SENP6: variants seen among roughly 807,000 people sequenced by gnomAD.
The protein encoded by SENP6 is SUMO specific peptidase 6, also known as sentrin-specific protease 6.
A neutral mutation model predicts 134.5 loss-of-function variants in SENP6; 41 were observed. The ratio of observed to expected loss-of-function variants is 0.30; its 90% confidence interval spans 0.24 to 0.40. The LOEUF (loss-of-function observed/expected upper bound fraction) is 0.40. SENP6 is among the 10% of genes least tolerant of loss of function. The probability of loss-of-function intolerance (pLI) is 1.00; values close to 1 mark genes in which losing one functional copy is unlikely to be tolerated. For synonymous variants in SENP6, 395 were observed against 429.8 expected (o/e 0.92, Z 1.00); for missense variants, 1,248 against 1,312.5 (o/e 0.95, Z 0.76).
intron 9 of SENP6, among the ~76,000 whole-genome samples, chr6:75,664,021 G>A (rs1403929544): frequency 6.6e-6 from 1 of 151,990 alleles, no homozygotes; most frequent in African/African-American, 2.4e-5. Context: ...AGAGTATACA[G>A]CGTGTATACT....
chr6:75,675,194 GA>G (rs971092885), intron 11 of SENP6, among the ~76,000 whole-genome samples: 7 of 143,938 alleles, frequency 4.9e-5, no homozygotes, highest in African/African-American at 1.0e-4. Flanking sequence ...GTTAAAAAAA[GA>G]AAAAAAAAAG....
chr6:75,639,325 A>G (rs544051495), intron 5 of SENP6, among the ~76,000 whole-genome samples: 1 of 152,306 alleles, frequency 6.6e-6, no homozygotes, highest in Non-Finnish European at 1.5e-5. Context: ...TTTAGTAGCA[A>G]AGATAAAATT....
At chr6:75,642,120 A>T (rs1561996951) in intron 6 of SENP6, among the ~76,000 whole-genome samples, 2 of 152,218 alleles carry the variant, frequency 1.3e-5, no homozygotes, top group African/African-American at 2.4e-5. Context: ...TATATTTTTG[A>T]TTACATGCTG....
At chr6:75,620,116 C>T (rs1768159437) in intron 1 of SENP6, among the ~76,000 whole-genome samples, 1 of 149,118 alleles carries the variant, frequency 6.7e-6, no homozygotes, top group Non-Finnish European at 1.5e-5. Flanking sequence ...GGAAAATAAG[C>T]TTTCCTAATG....
Position 75,714,972 on chromosome 6 carries a change from G to A in SENP6, c.3130-413G>A, listed in dbSNP as rs143087285. On this transcript the variant is annotated intron_variant, in intron 23 of 23. Coordinates refer to ENST00000447266, the MANE Select transcript of SENP6 (RefSeq NM_015571.4). ...TCTTGTTTTAATTGTTGAATTACCTGTCTTTCTAAACTGGAGCTGGCAAAC... is the reference window on the plus strand; with the variant it reads ...TCTTGTTTTAATTGTTGAATTACCTATCTTTCTAAACTGGAGCTGGCAAAC... Among the ~76,000 whole-genome samples the A allele has an allele frequency of 5.3e-4, 80 of 152,260 alleles. 1 individual carries two copies. The highest frequency in any genetic ancestry group is 3.4e-3 in the Middle Eastern group (1 of 294).
intron 16 of SENP6, among the ~76,000 whole-genome samples, chr6:75,689,511 A>C (rs1774087913): frequency 6.6e-6 from 1 of 152,228 alleles, no homozygotes; most frequent in South Asian, 2.1e-4. Context: ...AACAGTGCGT[A>C]GGCTCCTCAA....
At chr6:75,707,717 T>G (rs1775497990) in intron 19 of SENP6, among the ~76,000 whole-genome samples, 3 of 152,038 alleles carry the variant, frequency 2.0e-5, no homozygotes. Flanking sequence ...ACAGTCTCAC[T>G]TTCATAGAAG....
intron 19 of SENP6, among the ~76,000 whole-genome samples, chr6:75,708,210 T>G (rs1775532173): frequency 6.6e-6 from 1 of 152,072 alleles, no homozygotes; most frequent in African/African-American, 2.4e-5. Flanking sequence ...TACAGGTGCA[T>G]GCCACCATGC....
chr6:75,704,878 C>T (rs1252762739), intron 19 of SENP6, among the ~76,000 whole-genome samples: 1 of 152,174 alleles, frequency 6.6e-6, no homozygotes, highest in South Asian at 2.1e-4. Context: ...AAAGCACATC[C>T]TGCACAGCCC....
chr6:75,702,621 A>C, intron 18 of SENP6, 24 bp from the exon 19 acceptor site: 1 of 1,525,360 alleles, frequency 6.6e-7, no homozygotes, highest in African/African-American at 1.4e-5. Flanking sequence ...TAACATATTT[A>C]GTCATTTCAT....
chr6:75,670,693 C>CTA lies in SENP6; in HGVS notation c.1366_1367insAT (p.Phe456TyrfsTer5). On this transcript the variant is annotated frameshift_variant, in exon 11 of 24. Coordinates refer to ENST00000447266, the MANE Select transcript of SENP6 (RefSeq NM_015571.4). LOFTEE classifies it high-confidence loss of function. Reference sequence around the variant, plus strand: ...GTCGAAGTATACGAGTAGGAACACTCTTCCGGCTGTTAATAGAGCCTGTAA... The same window carrying CTA: ...GTCGAAGTATACGAGTAGGAACACTCTATTCCGGCTGTTAATAGAGCCTGTAA... 1 of 1,610,952 alleles carries CTA rather than the reference C, an allele frequency of 6.2e-7. No individual in the cohort carries two copies. The highest frequency in any genetic ancestry group is 1.1e-5 in the South Asian group (1 of 90,666).
intron 3 of SENP6, among the ~76,000 whole-genome samples, chr6:75,632,541 T>C (rs536944505): frequency 6.6e-6 from 1 of 152,362 alleles, no homozygotes; most frequent in East Asian, 1.9e-4. Context: ...AACTGATGTT[T>C]CTTTGCAAAT....
chr6:75,609,260 C>T (rs1030677183), intron 1 of SENP6, among the ~76,000 whole-genome samples: 1 of 152,066 alleles, frequency 6.6e-6, no homozygotes, highest in Non-Finnish European at 1.5e-5. Context: ...TTTCCTGTAC[C>T]TCCCCCCAAA....
At chr6:75,683,482 C>T (rs2149884265) in intron 16 of SENP6, among the ~76,000 whole-genome samples, 1 of 152,286 alleles carries the variant, frequency 6.6e-6, no homozygotes, top group South Asian at 2.1e-4. Flanking sequence ...ATGCCTATGA[C>T]CTGAATGGTA....
intron 7 of SENP6, chr6:75,655,386 A>T (rs2149857077): frequency 6.6e-6 from 1 of 152,318 alleles, no homozygotes; most frequent in South Asian, 2.1e-4. Flanking sequence ...TTCTAACCAA[A>T]ATCCCCATGA....
chr6:75,625,663 G>A (rs1768629014), intron 3 of SENP6, among the ~76,000 whole-genome samples: 1 of 152,184 alleles, frequency 6.6e-6, no homozygotes, highest in Non-Finnish European at 1.5e-5. Flanking sequence ...GAGGTCAGTA[G>A]TTCGAGACCA....
intron 7 of SENP6, 106 bp from the exon 8 acceptor site, chr6:75,659,156 C>A: frequency 1.3e-6 from 1 of 789,240 alleles, no homozygotes; most frequent in Non-Finnish European, 2.0e-6. Context: ...GAAGAGTAAT[C>A]CAGGATATAA....
chr6:75,678,628 C>A lies in SENP6; in HGVS notation c.1894C>A (p.Gln632Lys). 6.2e-7 allele frequency: 1 copy of A among 1,602,288 alleles called. No individual in the cohort carries two copies. The highest frequency in any genetic ancestry group is 8.5e-7 in the Non-Finnish European group (1 of 1,171,938). The stretch of plus-strand genomic sequence containing the variant: ...ACAACTTAGAAGCAAACAAGAATTT[C>A]AGTTTTTTGATGAAGAAGAAGAAAC... ...KIQLRSKQEF[Q>K]FFDEEEETGE... The change falls in exon 15 of 24, where the codon CAG (glutamine) becomes AAG (lysine). Residue 632 changes from glutamine (Q) to lysine (K), a missense_variant. Transcript: ENST00000447266.
chr6:75,697,505 C>A lies in SENP6; in HGVS notation c.2276C>A (p.Pro759His). 6.2e-7 allele frequency: 1 copy of A among 1,610,188 alleles called. No individual in the cohort carries two copies. The highest frequency in any genetic ancestry group is 8.5e-7 in the Non-Finnish European group (1 of 1,177,468). ...DIFEKDFIFV[P>H]LNEAAHWFLA... is the part of the protein sequence containing the mutation. ...TTTGAGAAGGATTTTATTTTTGTACCCCTTAATGAAGCGTGAGTAAGAATT... is the reference window on the plus strand; with the variant it reads ...TTTGAGAAGGATTTTATTTTTGTACACCTTAATGAAGCGTGAGTAAGAATT... Residue 759 changes from proline to histidine, a missense_variant, in exon 18 of 24, where the codon CCC (proline) becomes CAC (histidine). Transcript: ENST00000447266.
Sources: allele counts gnomAD v4.1 joint callset (sites outside exome capture counted in the v4.1 genomes callset), GRCh38; gene constraint gnomAD v4.1.1; transcripts MANE v1.5; gene names NCBI Gene and HGNC (gene_info 2026-07-23, HGNC 2026-07-21).